RIMBP2: variants seen among roughly 807,000 people sequenced by gnomAD.
RIMBP2 encodes the protein RIMS-binding protein 2.
A neutral mutation model predicts 118.6 loss-of-function variants in RIMBP2; 48 were observed. The ratio of observed to expected loss-of-function variants is 0.40; its 90% CI spans 0.32 to 0.51. RIMBP2 has a LOEUF of 0.51. Ranked by LOEUF, RIMBP2 falls within the 20% of genes least tolerant of loss-of-function variation. The pLI is 0.41. For missense variants in RIMBP2, 1,551 were observed against 1,768.3 expected (o/e 0.88, Z 2.20); for synonymous variants, 762 against 742.9 (o/e 1.03, Z -0.42).
At position 130,455,729 on chromosome 12, in the gene RIMBP2, C is replaced by T. The variant is rs192784565; in HGVS notation, c.358+767G>A. 1.1e-4 allele frequency among the ~76,000 whole-genome samples: 17 copies of T among 152,250 alleles called. No individual in the cohort carries two copies. In the East Asian group the frequency reaches 3.1e-3, roughly 28 times the overall value. ...TGCAAATTATCTTTTTTACAGAATTCCAAAGTGAGGTTCAGACGCTCATCT... is the reference window on the plus strand; with the variant it reads ...TGCAAATTATCTTTTTTACAGAATTTCAAAGTGAGGTTCAGACGCTCATCT... On this transcript the variant is annotated intron_variant, in intron 7 of 22. Transcript: ENST00000690449.
chr12:130,437,335 C>A (rs1221789250), intron 12 of RIMBP2, 44 bp from the exon 13 acceptor site: 1 of 1,507,442 alleles, frequency 6.6e-7, no homozygotes, highest in Admixed American at 2.0e-5. Context: ...CGAGGTGAGC[C>A]CCGCGGTCCT....
chr12:130,419,103 C>T lies in RIMBP2; in HGVS notation c.3238+3350G>A, dbSNP rs998458219. ...TGGATGTGTTATGAGCACCAAACCT[C>T]GACAGGGAAAGAGTAGCAGCCTCCC... On this transcript the variant is annotated intron_variant, in intron 17 of 22. Transcript: ENST00000690449. The surrounding 1 kb of genome is among the most constrained non-coding windows in gnomAD (Gnocchi z 4.3). Among the ~76,000 whole-genome samples, 12 of 152,184 alleles carry T rather than the reference C, an allele frequency of 7.9e-5. No homozygotes were observed. The highest frequency in any genetic ancestry group is 1.6e-4 in the Non-Finnish European group (11 of 68,040).
chr12:130,547,519 T>C (rs1011693693), intron 2 of RIMBP2, among the ~76,000 whole-genome samples: 1 of 152,252 alleles, frequency 6.6e-6, no homozygotes, highest in Admixed American at 6.5e-5. Context: ...ACAGAAATTG[T>C]CTCCCAGCAG....
At chr12:130,474,989 G>A (rs113928918) in intron 5 of RIMBP2, among the ~76,000 whole-genome samples, 3,233 of 152,218 alleles carry the variant, frequency 0.021, 134 homozygotes, top group African/African-American at 0.075. Flanking sequence ...TCTTGCTCCC[G>A]GTCTCCAGGA....
At chr12:130,685,373 T>G (rs983503820) in intron 1 of RIMBP2, among the ~76,000 whole-genome samples, 7 of 152,060 alleles carry the variant, frequency 4.6e-5, no homozygotes, top group African/African-American at 1.7e-4. Flanking sequence ...ATAATAAAAT[T>G]GAAAAACAGA....
In RIMBP2 at chr12:130,581,051, CA is replaced by C. The variant is rs1313411576; in HGVS notation, c.-217+47270del. ...GCCACCCACACACTGTGCACTGAGG[CA>C]GGGGCCTCGTGGCCGCACCCTCATC... On this transcript the variant is annotated intron_variant, in intron 2 of 22. Transcript: ENST00000690449. The surrounding 1 kb of genome is among the most constrained non-coding windows in gnomAD (Gnocchi z 4.4). 6.6e-6 allele frequency among the ~76,000 whole-genome samples: 1 copy of C among 152,186 alleles called. No homozygotes were observed. Among genetic ancestry groups the C allele is most frequent in the Non-Finnish European group, 1.5e-5 (1 of 68,040 alleles).
chr12:130,456,720 CA>C lies in RIMBP2; in HGVS notation c.154-21del, dbSNP rs1566072414. On this transcript the variant is annotated intron_variant, in intron 6 of 22. Coordinates refer to ENST00000690449, the MANE Select transcript of RIMBP2 (RefSeq NM_001393629.1). ...CTTGGACTGCACGGCAGAAGCAGGACAGGGGGTCAGCGGTGGCATTTGGTGG... is the reference window on the plus strand; with the variant it reads ...CTTGGACTGCACGGCAGAAGCAGGACGGGGGTCAGCGGTGGCATTTGGTGG... 1.3e-6 allele frequency: 2 copies of C among 1,579,982 alleles called. No individual in the cohort carries two copies. The highest frequency in any genetic ancestry group is 2.3e-5 in the East Asian group (1 of 44,090).
chr12:130,634,332 C>T (rs923269174), intron 1 of RIMBP2, among the ~76,000 whole-genome samples: 15 of 152,264 alleles, frequency 9.9e-5, no homozygotes, highest in African/African-American at 3.1e-4. Context: ...GCAAGAAACG[C>T]GGAGTGAGGA....
chr12:130,488,749 A>C (rs1460564715), intron 4 of RIMBP2, among the ~76,000 whole-genome samples: 1 of 151,846 alleles, frequency 6.6e-6, no homozygotes, highest in African/African-American at 2.4e-5. Flanking sequence ...CTCAGGGAGG[A>C]TGAGAGATGG....
At chr12:130,607,473 C>T (rs968936830) in intron 2 of RIMBP2, among the ~76,000 whole-genome samples, 13 of 152,010 alleles carry the variant, frequency 8.6e-5, no homozygotes, top group African/African-American at 2.9e-4. Flanking sequence ...CTTGTGCATC[C>T]GTGGGTTTCT....
At chr12:130,592,253 C>T (rs1254309515) in intron 2 of RIMBP2, among the ~76,000 whole-genome samples, 1 of 152,320 alleles carries the variant, frequency 6.6e-6, no homozygotes, top group African/African-American at 2.4e-5. Flanking sequence ...TCAGCCCTGG[C>T]GGGTGTTTCC....
chr12:130,600,853 G>A (rs907146845), intron 2 of RIMBP2, among the ~76,000 whole-genome samples: 2 of 152,206 alleles, frequency 1.3e-5, no homozygotes, highest in African/African-American at 4.8e-5. Context: ...TCCAAGGGAT[G>A]ACCAAGCTGC....
intron 2 of RIMBP2, among the ~76,000 whole-genome samples, chr12:130,586,581 G>C (rs1566314007): frequency 6.6e-6 from 1 of 151,246 alleles, no homozygotes; most frequent in South Asian, 2.1e-4. Context: ...ATGGGGAAAG[G>C]ATTCCCTATT....
At chr12:130,529,089 G>A (rs1430146289) in intron 2 of RIMBP2, among the ~76,000 whole-genome samples, 6 of 152,124 alleles carry the variant, frequency 3.9e-5, no homozygotes, top group South Asian at 2.1e-4. Context: ...AATGTGGTCT[G>A]TCCATAAAGT....
chr12:130,647,340 G>A (rs778627058), intron 1 of RIMBP2, among the ~76,000 whole-genome samples: 29 of 152,258 alleles, frequency 1.9e-4, no homozygotes, highest in Non-Finnish European at 3.5e-4. Context: ...TCCAGCCTAG[G>A]TGACAAAGCA....
chr12:130,422,413 C>T lies in RIMBP2; in HGVS notation c.3238+40G>A, dbSNP rs374323083. 51 of 1,423,394 alleles carry T rather than the reference C, an allele frequency of 3.6e-5. No individual in the cohort carries two copies. The highest frequency in any genetic ancestry group is 5.6e-5 in the African/African-American group (4 of 71,244). 88.2% of individuals were successfully genotyped at this position (1,423,394 alleles called of 1,614,324 possible). ...AGATGGAGTAAGCAGCCACATGCTC[C>T]GCGGCTGAAAGACACAACAGCGATG... is the stretch of plus-strand genomic sequence containing the variant. On this transcript the variant is annotated intron_variant, in intron 17 of 22. Transcript: ENST00000690449. The surrounding 1 kb of genome is among the most constrained non-coding windows in gnomAD (Gnocchi z 5.2).
rs202027992 is a variant in RIMBP2 at position 130,612,416 on chromosome 12, G to A, written c.-217+15906C>T. On this transcript the variant is annotated intron_variant, in intron 2 of 22. Transcript: ENST00000690449. ...GCCAGGGGTTGAAAGGTCACCATGCGTGAGCTGCTCTGCTGTGCGCAAAGC... is the reference window on the plus strand; with the variant it reads ...GCCAGGGGTTGAAAGGTCACCATGCATGAGCTGCTCTGCTGTGCGCAAAGC... 7.9e-5 allele frequency among the ~76,000 whole-genome samples: 12 copies of A among 152,240 alleles called. No homozygotes were observed. The East Asian group carries it at 2.1e-3, about 27-fold the overall frequency.
chr12:130,481,049 CA>C (rs1276336005), intron 4 of RIMBP2, among the ~76,000 whole-genome samples: 2 of 121,504 alleles, frequency 1.6e-5, no homozygotes, highest in East Asian at 2.6e-4. Context: ...AGGAGCCTGG[CA>C]GGGGGGAGGC....
chr12:130,460,275 G>A (rs1299533710), intron 6 of RIMBP2, among the ~76,000 whole-genome samples: 2 of 152,166 alleles, frequency 1.3e-5, no homozygotes, highest in Non-Finnish European at 2.9e-5. Context: ...CACAGAGGAC[G>A]CAGGCCCCTC....
Sources: allele counts gnomAD v4.1 joint callset (sites outside exome capture counted in the v4.1 genomes callset), GRCh38; gene constraint gnomAD v4.1.1; non-coding constraint Gnocchi (gnomAD v3.1); transcripts MANE v1.5; gene names NCBI Gene and HGNC (gene_info 2026-07-23, HGNC 2026-07-21).